Variants in NXN observed in about 807,000 individuals in gnomAD.
NXN encodes nucleoredoxin 1.
Under a neutral mutation model 48.6 loss-of-function variants are expected in NXN, and 16 were observed. The observed-to-expected ratio is 0.33, with a 90% CI of 0.22 to 0.50. The LOEUF is 0.50. Ranked by LOEUF, NXN falls within the 20% of genes least tolerant of loss-of-function variation. The pLI, the probability that NXN is intolerant of heterozygous loss-of-function variation, is 0.98. For missense variants in NXN, 492 were observed against 605.5 expected (o/e 0.81, Z 1.97); for synonymous variants, 281 against 269.6 (o/e 1.04, Z -0.41).
chr17:876,829 C>T (rs1172036396), intron 1 of NXN, among the ~76,000 whole-genome samples: 1 of 152,016 alleles, frequency 6.6e-6, no homozygotes, highest in Non-Finnish European at 1.5e-5. Flanking sequence ...GGGGGATCAC[C>T]TGAGGTCGGG....
At chr17:944,268 A>T (rs919978855) in intron 1 of NXN, among the ~76,000 whole-genome samples, 5 of 152,156 alleles carry the variant, frequency 3.3e-5, no homozygotes, top group Non-Finnish European at 7.4e-5. Context: ...AAAAAATACC[A>T]GCTACGCAGC....
intron 1 of NXN, among the ~76,000 whole-genome samples, chr17:832,548 A>G (rs1354470525): frequency 6.6e-6 from 1 of 152,030 alleles, no homozygotes; most frequent in African/African-American, 2.4e-5. Flanking sequence ...TCTACCCTCT[A>G]AATGCTCAGG....
chr17:811,242 C>T (rs1220663614), intron 5 of NXN, among the ~76,000 whole-genome samples: 2 of 152,222 alleles, frequency 1.3e-5, no homozygotes, highest in Non-Finnish European at 2.9e-5. Flanking sequence ...CGCATCTGCT[C>T]CAGGCCCTGC....
chr17:974,862 TG>T (rs1460641211), intron 1 of NXN, among the ~76,000 whole-genome samples: 1 of 152,078 alleles, frequency 6.6e-6, no homozygotes, highest in African/African-American at 2.4e-5. Context: ...GGTCTTGCTG[TG>T]TTGTCCTGGC....
intron 5 of NXN, among the ~76,000 whole-genome samples, chr17:810,820 C>T (rs1179717797): frequency 3.9e-5 from 6 of 152,008 alleles, no homozygotes; most frequent in Non-Finnish European, 1.5e-5. Context: ...ACGCGGGAGG[C>T]AGAGCTTGCA....
chr17:810,063 C>CTGTGAGTGGTGTGCACGTTACGAGTCCG (rs1911854720), intron 5 of NXN, among the ~76,000 whole-genome samples: 1 of 37,742 alleles, frequency 2.6e-5, no homozygotes, highest in Non-Finnish European at 4.8e-5. Context: ...TTACGAGTCC[C>CTGTGAGTGGTGTGCACGTTACGAGTCCG]TGTGAGTGGC....
At chr17:882,667 G>A (rs111411931) in intron 1 of NXN, among the ~76,000 whole-genome samples, 18,574 of 151,852 alleles carry the variant, frequency 0.12, 1,321 homozygotes, top group Middle Eastern at 0.19. Context: ...GGGTTTCACC[G>A]TGTTAGCCAG....
intron 1 of NXN, among the ~76,000 whole-genome samples, chr17:902,245 C>T (rs976403333): frequency 6.6e-5 from 10 of 152,336 alleles, no homozygotes; most frequent in African/African-American, 2.2e-4. Context: ...CCGTCCGTTC[C>T]AGACATAAGC....
chr17:971,061 C>A (rs1189044854), intron 1 of NXN, among the ~76,000 whole-genome samples: 3 of 151,556 alleles, frequency 2.0e-5, no homozygotes, highest in Non-Finnish European at 4.4e-5. Flanking sequence ...ATTCTCCTGC[C>A]TCAGCCTCCT....
intron 1 of NXN, among the ~76,000 whole-genome samples, chr17:902,992 A>C (rs1205458118): frequency 6.6e-6 from 1 of 151,334 alleles, no homozygotes; most frequent in East Asian, 2.0e-4. Context: ...GTTGGTCTCG[A>C]ACTCCCGAAC....
At chr17:839,808 A>AAAAAAAAAAAAAAAAAAAAAAAAAAAAC (rs1352197383) in intron 1 of NXN, among the ~76,000 whole-genome samples, 2 of 143,690 alleles carry the variant, frequency 1.4e-5, no homozygotes, top group African/African-American at 5.4e-5. Context: ...AAAAAAAAAA[A>AAAAAAAAAAAAAAAAAAAAAAAAAAAAC]AAAAAAGGCC....
At chr17:907,809 G>A (rs2068595499) in intron 1 of NXN, 1 of 152,112 alleles carries the variant, frequency 6.6e-6, no homozygotes, top group African/African-American at 2.4e-5. Context: ...AAAATATAAT[G>A]GATGGCAGAA....
rs1440918295 is a variant in NXN, at chr17:979,727, C to G, written c.-49G>C. ...GGCGGCTGCGACCCCGCTCCACGGT[C>G]CGCGCGGCGGGAGGAGGCGGCGGCG... On this transcript the variant is annotated 5_prime_UTR_variant, in exon 1 of 8. Coordinates refer to ENST00000336868, the MANE Select transcript of NXN (RefSeq NM_022463.5). The G allele has an allele frequency of 1.7e-5, 22 of 1,279,542 alleles. No homozygotes were observed. The South Asian group carries it at 4.5e-4, about 26-fold the overall frequency. 79.3% of individuals were successfully genotyped at this position (1,279,542 alleles called of 1,614,324 possible). A position where few individuals can be genotyped will look rare whatever the true frequency, so the allele number is the denominator to read the frequency against.
intron 6 of NXN, among the ~76,000 whole-genome samples, chr17:804,559 A>T (rs1911384094): frequency 6.6e-6 from 1 of 152,144 alleles, no homozygotes; most frequent in Non-Finnish European, 1.5e-5. Flanking sequence ...CCTGGCATGG[A>T]TGCGCCTGTG....
At chr17:927,581 A>AAC (rs1491356277) in intron 1 of NXN, among the ~76,000 whole-genome samples, 1 of 1,600 alleles carries the variant, frequency 6.3e-4, no homozygotes, top group Non-Finnish European at 3.0e-3. Flanking sequence ...ACCTTGTCTC[A>AAC]AAAAAAAAAA....
intron 1 of NXN, chr17:842,571 G>T: frequency 1.0e-6 from 1 of 985,364 alleles, no homozygotes; most frequent in Non-Finnish European, 1.2e-6. Flanking sequence ...CCCGAGACAC[G>T]TGGGGGCCCG....
chr17:973,381 G>A (rs1034289720), intron 1 of NXN, among the ~76,000 whole-genome samples: 10 of 152,166 alleles, frequency 6.6e-5, no homozygotes, highest in South Asian at 4.1e-4. Flanking sequence ...CAGGGTCAGC[G>A]GAAGACACAC....
At chr17:916,092 G>A (rs985565060) in intron 1 of NXN, among the ~76,000 whole-genome samples, 1 of 152,226 alleles carries the variant, frequency 6.6e-6, no homozygotes, top group Non-Finnish European at 1.5e-5. Flanking sequence ...CGAATGAAAA[G>A]GGAGAAACAG....
At chr17:901,760 C>T (rs1412046700) in intron 1 of NXN, among the ~76,000 whole-genome samples, 2 of 152,126 alleles carry the variant, frequency 1.3e-5, no homozygotes, top group South Asian at 2.1e-4. Flanking sequence ...AGTGCAGTGG[C>T]GCAATCTCAG....
Sources: gnomAD v4.1 joint callset for allele counts (sites outside exome capture counted in the v4.1 genomes callset) on GRCh38, gnomAD v4.1.1 for gene constraint, MANE v1.5 for transcripts, NCBI Gene and HGNC (gene_info 2026-07-23, HGNC 2026-07-21) for gene names.